Variants in KCNQ3 observed in about 807,000 individuals in gnomAD.
KCNQ3 encodes potassium voltage-gated channel subfamily Q member 3.
Under a neutral mutation model 92.5 loss-of-function variants are expected in KCNQ3, and 30 were observed. The ratio of observed to expected loss-of-function variants is 0.32; its 90% CI spans 0.24 to 0.44. The LOEUF is 0.44. Ranked by LOEUF, KCNQ3 falls within the 20% of genes least tolerant of loss-of-function variation. The pLI is 1.00. For synonymous variants in KCNQ3, 450 were observed against 468.8 expected (o/e 0.96, Z 0.52); for missense variants, 913 against 1,140.3 (o/e 0.80, Z 2.87).
chr8:132,288,689 G>GT (rs369618233), intron 1 of KCNQ3, among the ~76,000 whole-genome samples: 100 of 151,210 alleles, frequency 6.6e-4, no homozygotes, highest in African/African-American at 2.0e-3. Context: ...TTGTATGGGT[G>GT]TTTTTTTTTC....
chr8:132,453,534 C>A (rs1821871127), intron 1 of KCNQ3, among the ~76,000 whole-genome samples: 1 of 152,162 alleles, frequency 6.6e-6, no homozygotes, highest in African/African-American at 2.4e-5. Flanking sequence ...GAGGGGCCTG[C>A]ACTGGCCTAG....
intron 1 of KCNQ3, among the ~76,000 whole-genome samples, chr8:132,414,776 T>C (rs1820749909): frequency 6.6e-6 from 1 of 152,190 alleles, no homozygotes; most frequent in Non-Finnish European, 1.5e-5. Flanking sequence ...CTGTGCGTGA[T>C]AGAAACGCAT....
At chr8:132,379,484 C>T (rs1819689255) in intron 1 of KCNQ3, among the ~76,000 whole-genome samples, 1 of 152,176 alleles carries the variant, frequency 6.6e-6, no homozygotes, top group Non-Finnish European at 1.5e-5. Flanking sequence ...ACCCTATTTT[C>T]TGTACATAAC....
At chr8:132,221,565 A>T (rs1254498651) in intron 1 of KCNQ3, among the ~76,000 whole-genome samples, 2 of 152,226 alleles carry the variant, frequency 1.3e-5, no homozygotes, top group African/African-American at 4.8e-5. Context: ...TCTGATGGCC[A>T]GTGATGGTGA....
intron 1 of KCNQ3, among the ~76,000 whole-genome samples, chr8:132,458,413 C>T (rs995029752): frequency 2.6e-5 from 4 of 152,242 alleles, no homozygotes; most frequent in Non-Finnish European, 4.4e-5. Context: ...GCACAAAACC[C>T]GCCAATCAAC....
chr8:132,141,183 G>A lies in KCNQ3; in HGVS notation c.1411C>T (p.Arg471Cys), dbSNP rs753513804. The A allele has an allele frequency of 1.1e-5, 17 of 1,614,168 alleles. No homozygotes were observed. Among genetic ancestry groups the A allele is most frequent in the Non-Finnish European group, 8.5e-7 (1 of 1,180,022 alleles). ...PKPVGLNNKE[R>C]FRTAFRMKAY... ...TTCATGCGGAAGGCCGTGCGGAAACGCTCTTTATTGTTTAAGCCAACAGGC... is the reference window on the plus strand; with the variant it reads ...TTCATGCGGAAGGCCGTGCGGAAACACTCTTTATTGTTTAAGCCAACAGGC... The change falls in exon 10 of 15, where the codon CGT (arginine) becomes TGT (cysteine). Residue 471 changes from arginine to cysteine, a missense_variant. This residue lies in a region of KCNQ3 where 182 missense variants were observed against 234.5 expected (regional missense o/e 0.78). Transcript: ENST00000388996.
At chr8:132,232,539 G>C (rs962812783) in intron 1 of KCNQ3, among the ~76,000 whole-genome samples, 2 of 152,156 alleles carry the variant, frequency 1.3e-5, no homozygotes, top group Non-Finnish European at 2.9e-5. Context: ...TTCCTTAAAA[G>C]CATTGGCTGT....
intron 1 of KCNQ3, among the ~76,000 whole-genome samples, chr8:132,341,142 G>A (rs557361183): frequency 1.6e-3 from 247 of 152,322 alleles, no homozygotes; most frequent in Non-Finnish European, 2.8e-3. Flanking sequence ...GGAGCAAAGA[G>A]AGGAACAGAA....
intron 1 of KCNQ3, among the ~76,000 whole-genome samples, chr8:132,256,161 T>C (rs1472553650): frequency 3.9e-5 from 6 of 152,214 alleles, no homozygotes; most frequent in Non-Finnish European, 1.5e-5. Context: ...AAATAGGTTA[T>C]ATTGACAAAG....
At chr8:132,243,567 G>A (rs908539899) in intron 1 of KCNQ3, among the ~76,000 whole-genome samples, 8 of 152,326 alleles carry the variant, frequency 5.3e-5, no homozygotes, top group African/African-American at 1.9e-4. Flanking sequence ...CCTGTATGAA[G>A]ATTATATTGG....
At chr8:132,325,304 G>C (rs751886944) in intron 1 of KCNQ3, among the ~76,000 whole-genome samples, 3 of 152,136 alleles carry the variant, frequency 2.0e-5, no homozygotes, top group Non-Finnish European at 4.4e-5. Flanking sequence ...AGAGAGCTGG[G>C]TTCCGTCCAG....
rs543439198 is a variant in KCNQ3 at position 132,140,456 on chromosome 8, T to C, written c.1466-278A>G. The C allele has an allele frequency of 3.7e-4, 152 of 408,662 alleles. 1 individual carries two copies. Among genetic ancestry groups the C allele is most frequent in the Non-Finnish European group, 6.3e-4 (142 of 225,902 alleles). 25.3% of individuals were successfully genotyped at this position (408,662 alleles called of 1,614,324 possible). A position where few individuals can be genotyped will look rare whatever the true frequency, so the allele number is the denominator to read the frequency against. On this transcript the variant is annotated intron_variant, in intron 10 of 14. Coordinates refer to ENST00000388996, the MANE Select transcript of KCNQ3 (RefSeq NM_004519.4). Reference sequence around the variant, plus strand: ...CAGGGAGGAGAAGTGAGCTCCGCAGTTCCAGAGTGGCCCCCAGAGCCAGAA... The same window carrying C: ...CAGGGAGGAGAAGTGAGCTCCGCAGCTCCAGAGTGGCCCCCAGAGCCAGAA...
intron 1 of KCNQ3, among the ~76,000 whole-genome samples, chr8:132,401,455 A>G (rs1196919047): frequency 6.6e-6 from 1 of 151,642 alleles, no homozygotes; most frequent in Non-Finnish European, 1.5e-5. Context: ...GGCTCACTGC[A>G]GCCTCCAAAT....
chr8:132,452,308 T>G (rs1821839887), intron 1 of KCNQ3, among the ~76,000 whole-genome samples: 1 of 152,180 alleles, frequency 6.6e-6, no homozygotes, highest in South Asian at 2.1e-4. Context: ...TGAATTAAAC[T>G]CCTCTAGGTG....
At chr8:132,407,584 C>T (rs966548026) in intron 1 of KCNQ3, among the ~76,000 whole-genome samples, 10 of 152,146 alleles carry the variant, frequency 6.6e-5, no homozygotes, top group African/African-American at 1.9e-4. Context: ...CCTCCCTGAC[C>T]GTCTTTGGTG....
In KCNQ3 at chr8:132,347,638, C is replaced by T. The variant is rs144356675; in HGVS notation, c.386+132509G>A. Among the ~76,000 whole-genome samples, 744 of 152,308 alleles carry T rather than the reference C, an allele frequency of 4.9e-3. 6 individuals carry two copies. The highest frequency in any genetic ancestry group is 0.016 in the African/African-American group (685 of 41,556). ...GAAGATCTTGTTTTAAATAACTACT[C>T]TTTAAACTGAGATAAAAAATATTAG... is the stretch of plus-strand genomic sequence containing the variant. On this transcript the variant is annotated intron_variant, in intron 1 of 14. Coordinates refer to ENST00000388996, the MANE Select transcript of KCNQ3 (RefSeq NM_004519.4).
chr8:132,276,694 G>C (rs1403849038), intron 1 of KCNQ3, among the ~76,000 whole-genome samples: 1 of 152,144 alleles, frequency 6.6e-6, no homozygotes, highest in Non-Finnish European at 1.5e-5. Flanking sequence ...AATCCTCCAT[G>C]GTCAGCACCA....
intron 1 of KCNQ3, chr8:132,278,026 T>C: frequency 3.0e-6 from 3 of 985,366 alleles, no homozygotes; most frequent in Non-Finnish European, 3.6e-6. Context: ...AATTCAAGGC[T>C]ACAGAGCTCA....
chr8:132,307,136 T>A (rs1445717085), intron 1 of KCNQ3, among the ~76,000 whole-genome samples: 1 of 152,182 alleles, frequency 6.6e-6, no homozygotes, highest in Non-Finnish European at 1.5e-5. Context: ...ACTTGGAGCC[T>A]GAGTTTGTGG....
Sources: allele counts gnomAD v4.1 joint callset (sites outside exome capture counted in the v4.1 genomes callset), GRCh38; gene constraint gnomAD v4.1.1; regional missense constraint gnomAD v4.1.1; transcripts MANE v1.5; gene names NCBI Gene and HGNC (gene_info 2026-07-23, HGNC 2026-07-21).